CSMD3: variants seen among roughly 807,000 people sequenced by gnomAD.
CSMD3 encodes CUB and Sushi multiple domains 3.
Under a neutral mutation model 435.2 loss-of-function variants are expected in CSMD3, and 177 were observed. The observed-to-expected ratio is 0.41, with a 90% CI of 0.36 to 0.46. The LOEUF (loss-of-function observed/expected upper bound fraction) is 0.46, where lower values mean the gene tolerates loss of function less well. Among genes scored for constraint, CSMD3 ranks in the 20% least tolerant of loss-of-function variants. The probability of loss-of-function intolerance (pLI) is 0.34; values close to 1 mark genes in which losing one functional copy is unlikely to be tolerated. For missense variants in CSMD3, 4,265 were observed against 4,504.6 expected, an observed-to-expected ratio of 0.95 and a Z score of 1.52; for synonymous variants, 1,656 against 1,520.5, an observed-to-expected ratio of 1.09 and a Z score of -2.07.
chr8:112,717,535 C>T (rs1040139802), intron 13 of CSMD3, among the ~76,000 whole-genome samples: 23 of 152,210 alleles, frequency 1.5e-4, no homozygotes, highest in African/African-American at 5.3e-4. Context: ...CCAGAAATAC[C>T]ATTTGACCCA....
At chr8:112,986,897 CAATA>C (rs1564181096) in intron 6 of CSMD3, among the ~76,000 whole-genome samples, 1 of 151,882 alleles carries the variant, frequency 6.6e-6, no homozygotes, top group Non-Finnish European at 1.5e-5. Context: ...TCAATGTTCT[CAATA>C]GATAGATAAT....
chr8:112,356,498 G>A (rs4398953), intron 38 of CSMD3, among the ~76,000 whole-genome samples: 30,768 of 151,628 alleles, frequency 0.2, 3,667 homozygotes, highest in East Asian at 0.4. Flanking sequence ...AGACACTGGG[G>A]GTTACTTGGT....
chr8:112,819,454 A>G (rs2132426857), intron 12 of CSMD3, among the ~76,000 whole-genome samples: 1 of 152,298 alleles, frequency 6.6e-6, no homozygotes, highest in East Asian at 1.9e-4. Context: ...TGGTGATTAT[A>G]AATCCAGGTA....
chr8:112,636,538 TTCTATCTATCTA>T (rs5894094), intron 22 of CSMD3, among the ~76,000 whole-genome samples: 4,255 of 149,430 alleles, frequency 0.028, 84 homozygotes, highest in Middle Eastern at 0.053. Flanking sequence ...TCTATCATAT[TTCTATCTATCTA>T]TCTATCTATC....
chr8:112,836,060 G>A (rs1361288207), intron 11 of CSMD3, among the ~76,000 whole-genome samples: 1 of 151,756 alleles, frequency 6.6e-6, no homozygotes, highest in Non-Finnish European at 1.5e-5. Context: ...CTATGTTTTA[G>A]CCACAGTTCT....
intron 3 of CSMD3, among the ~76,000 whole-genome samples, chr8:113,258,198 A>C (rs1435778015): frequency 6.6e-6 from 1 of 152,234 alleles, no homozygotes. Flanking sequence ...ATAATGGCCA[A>C]AACAGGATTG....
Position 112,455,090 on chromosome 8 carries a change from G to C in CSMD3, c.5395+17501C>G, listed in dbSNP as rs150986158. On this transcript the variant is annotated intron_variant, in intron 32 of 70. Transcript: ENST00000297405. ...ATTTGACCCAGGAATCCCATTACTG[G>C]GTATATACCCAAAGGAAAATAAATT... is the stretch of plus-strand genomic sequence containing the variant. 8.0e-3 allele frequency among the ~76,000 whole-genome samples: 1,206 copies of C among 150,116 alleles called. 23 individuals carry two copies. Among genetic ancestry groups the C allele is most frequent in the African/African-American group, 0.027 (1,119 of 41,210 alleles).
intron 32 of CSMD3, among the ~76,000 whole-genome samples, chr8:112,471,302 A>AT (rs145332698): frequency 0.012 from 1,801 of 152,230 alleles, 30 homozygotes; most frequent in African/African-American, 0.041. Flanking sequence ...ACCATGTAAC[A>AT]TTTTTTTGCA....
At chr8:112,933,872 C>T (rs1273657841) in intron 9 of CSMD3, among the ~76,000 whole-genome samples, 1 of 152,018 alleles carries the variant, frequency 6.6e-6, no homozygotes, top group East Asian at 1.9e-4. Context: ...AAAAATACCA[C>T]TAGCATCTAG....
At chr8:112,513,573 T>G (rs949539117) in intron 28 of CSMD3, among the ~76,000 whole-genome samples, 1 of 152,140 alleles carries the variant, frequency 6.6e-6, no homozygotes, top group African/African-American at 2.4e-5. Context: ...ATGAAAAAGT[T>G]TGAAATATTG....
At chr8:113,200,106 C>A (rs1342891376) in intron 3 of CSMD3, among the ~76,000 whole-genome samples, 1 of 151,818 alleles carries the variant, frequency 6.6e-6, no homozygotes, top group Non-Finnish European at 1.5e-5. Context: ...TGCTTTTCTT[C>A]CCAGTTTTTG....
At chr8:112,721,179 A>G (rs1280208891) in intron 13 of CSMD3, among the ~76,000 whole-genome samples, 1 of 152,182 alleles carries the variant, frequency 6.6e-6, no homozygotes, top group African/African-American at 2.4e-5. Context: ...GTTAATCATC[A>G]TATATATGCT....
intron 1 of CSMD3, among the ~76,000 whole-genome samples, chr8:113,319,518 T>G (rs1183216580): frequency 6.6e-6 from 1 of 152,066 alleles, no homozygotes; most frequent in African/African-American, 2.4e-5. Flanking sequence ...TTGCCTATTA[T>G]TTTGTTGATT....
At chr8:112,311,762 C>T (rs1396469495) in intron 49 of CSMD3, among the ~76,000 whole-genome samples, 1 of 152,140 alleles carries the variant, frequency 6.6e-6, no homozygotes, top group Non-Finnish European at 1.5e-5. Context: ...GTTTGAAATG[C>T]CAACAGATAC....
intron 6 of CSMD3, among the ~76,000 whole-genome samples, chr8:113,013,362 G>A (rs1185443434): frequency 6.6e-6 from 1 of 152,000 alleles, no homozygotes; most frequent in Non-Finnish European, 1.5e-5. Flanking sequence ...TTCATAGTTA[G>A]AATGTGTGCT....
chr8:112,410,592 ATATATATATGTG>A (rs1563912690), intron 32 of CSMD3, among the ~76,000 whole-genome samples: 1 of 108,014 alleles, frequency 9.3e-6, no homozygotes, highest in Non-Finnish European at 1.9e-5. Context: ...ATACATATGT[ATATATATATGTG>A]TATATATATA....
intron 41 of CSMD3, 59 bp downstream of exon 41, chr8:112,346,038 A>T: frequency 1.0e-6 from 1 of 966,088 alleles, no homozygotes. Context: ...ATTGAAATTT[A>T]TTTTAAGGCT....
chr8:112,544,972 A>G (rs1344761060), intron 27 of CSMD3, among the ~76,000 whole-genome samples: 1 of 152,206 alleles, frequency 6.6e-6, no homozygotes, highest in African/African-American at 2.4e-5. Context: ...TAAACAGCAT[A>G]TATACTCGTG....
chr8:113,178,014 GTGACAC>G (rs2092372395), intron 3 of CSMD3, among the ~76,000 whole-genome samples: 1 of 151,934 alleles, frequency 6.6e-6, no homozygotes, highest in Non-Finnish European at 1.5e-5. Flanking sequence ...TACTTGGTAA[GTGACAC>G]TGACACTATT....
Sources: allele counts gnomAD v4.1 joint callset (sites outside exome capture counted in the v4.1 genomes callset), GRCh38; gene constraint gnomAD v4.1.1; transcripts MANE v1.5; gene names NCBI Gene and HGNC (gene_info 2026-07-23, HGNC 2026-07-21).